Variants in SHROOM3 observed in about 807,000 individuals in gnomAD.
SHROOM3 encodes protein Shroom3.
A neutral mutation model predicts 138.6 loss-of-function variants in SHROOM3; 47 were observed. The ratio of observed to expected loss-of-function variants is 0.34; its 90% CI spans 0.27 to 0.43. SHROOM3 has a LOEUF of 0.43. Ranked by LOEUF, SHROOM3 falls within the 20% of genes least tolerant of loss-of-function variation. The pLI, the probability that SHROOM3 is intolerant of heterozygous loss-of-function variation, is 1.00. For synonymous variants in SHROOM3, 1,062 were observed against 1,063.3 expected, an observed-to-expected ratio of 1.00 and a Z score of 0.02; for missense variants, 2,491 against 2,596.5, an observed-to-expected ratio of 0.96 and a Z score of 0.88.
intron 1 of SHROOM3, among the ~76,000 whole-genome samples, chr4:76,506,210 A>G (rs927456606): frequency 2.0e-5 from 3 of 151,148 alleles, no homozygotes; most frequent in Non-Finnish European, 4.4e-5. Flanking sequence ...GGAGGGCATC[A>G]CACACCAGGG....
intron 1 of SHROOM3, among the ~76,000 whole-genome samples, chr4:76,497,643 A>C (rs937709573): frequency 1.3e-5 from 2 of 152,132 alleles, no homozygotes; most frequent in Non-Finnish European, 2.9e-5. Flanking sequence ...AGATCACCTG[A>C]GGTCAGGAAT....
chr4:76,655,223 T>A (rs1049864693), intron 2 of SHROOM3, among the ~76,000 whole-genome samples: 7 of 152,224 alleles, frequency 4.6e-5, no homozygotes, highest in Non-Finnish European at 1.0e-4. Context: ...GCAGCTTTAG[T>A]CTCTTCTCAG....
Position 76,741,800 on chromosome 4 carries a change from A to G in SHROOM3, c.3627A>G (p.Pro1209=), listed in dbSNP as rs1348730526. 2 of 1,584,052 alleles carry G rather than the reference A, an allele frequency of 1.3e-6. No homozygotes were observed. Among genetic ancestry groups the G allele is most frequent in the Non-Finnish European group, 1.7e-6 (2 of 1,165,702 alleles). The stretch of plus-strand genomic sequence containing the variant: ...GAGGGGATGAGACCCCCAGGGAGCC[A>G]TCCTCCTGGGGGGCCAGGGCCGGGA... ...TQRGDETPRE[P]SSWGARAGKS... is the part of the protein sequence containing the mutation. The change falls in exon 5 of 11, where the codon CCA becomes CCG. Residue 1209 remains proline, a synonymous_variant. Coordinates refer to ENST00000296043, the MANE Select transcript of SHROOM3 (RefSeq NM_020859.4). This position sits in a 1 kb window ranked among gnomAD's most constrained non-coding sequence, Gnocchi z 6.2.
intron 2 of SHROOM3, among the ~76,000 whole-genome samples, chr4:76,561,158 G>C (rs1051817031): frequency 2.0e-5 from 3 of 152,140 alleles, no homozygotes; most frequent in East Asian, 1.9e-4. Flanking sequence ...TCCTCCCAAA[G>C]CTTTCCATCA....
chr4:76,435,950 A>C lies in SHROOM3; in HGVS notation c.-103A>C. The C allele has an allele frequency of 2.4e-6, 3 of 1,250,122 alleles. No homozygotes were observed. The allele number at this position is 1,250,122 out of a possible 1,614,324, so 77.4% of individuals were successfully genotyped here. On this transcript the variant is annotated 5_prime_UTR_variant, in exon 1 of 11. Coordinates refer to ENST00000296043, the MANE Select transcript of SHROOM3 (RefSeq NM_020859.4). Reference sequence around the variant, plus strand: ...GCTTCTCCAAACCTCTCTTTTGGCCATTGTGTGTCCTGAAGGATGGGACAA... The same window carrying C: ...GCTTCTCCAAACCTCTCTTTTGGCCCTTGTGTGTCCTGAAGGATGGGACAA...
At chr4:76,701,438 G>C (rs1719899133) in intron 2 of SHROOM3, among the ~76,000 whole-genome samples, 1 of 152,186 alleles carries the variant, frequency 6.6e-6, no homozygotes, top group Non-Finnish European at 1.5e-5. Context: ...GACCTTGAGC[G>C]AATAACTGTC....
chr4:76,493,105 C>T (rs529957373), intron 1 of SHROOM3, among the ~76,000 whole-genome samples: 1 of 151,684 alleles, frequency 6.6e-6, no homozygotes, highest in African/African-American at 2.4e-5. Context: ...TCTGTAATCT[C>T]AGCTACTCGG....
chr4:76,648,672 G>A (rs1439574349), intron 2 of SHROOM3, among the ~76,000 whole-genome samples: 1 of 152,136 alleles, frequency 6.6e-6, no homozygotes, highest in Non-Finnish European at 1.5e-5. Flanking sequence ...TGTATCACTA[G>A]AAAAAATGTA....
intron 4 of SHROOM3, 100 bp downstream of exon 4, chr4:76,731,035 T>C: frequency 1.4e-6 from 2 of 1,475,576 alleles, no homozygotes; most frequent in Non-Finnish European, 1.9e-6. Flanking sequence ...TTTTTTCTTA[T>C]ACTCACACTA....
intron 2 of SHROOM3, among the ~76,000 whole-genome samples, chr4:76,569,965 C>T (rs1733802817): frequency 6.6e-6 from 1 of 152,148 alleles, no homozygotes; most frequent in Admixed American, 6.6e-5. Context: ...AGGATGAGAT[C>T]AGTGTCCATT....
intron 2 of SHROOM3, among the ~76,000 whole-genome samples, chr4:76,647,825 G>A (rs573980958): frequency 1.2e-3 from 186 of 151,630 alleles, no homozygotes; most frequent in African/African-American, 4.2e-3. Flanking sequence ...GAGCCCTGGA[G>A]GTTGAGTCTG....
At chr4:76,696,865 G>T (rs772715428) in intron 2 of SHROOM3, among the ~76,000 whole-genome samples, 16 of 152,144 alleles carry the variant, frequency 1.1e-4, no homozygotes, top group Admixed American at 4.6e-4. Flanking sequence ...GGAACTGGGG[G>T]ATAGCATAGG....
intron 2 of SHROOM3, among the ~76,000 whole-genome samples, chr4:76,599,988 A>C (rs202083669): frequency 6.6e-6 from 1 of 150,586 alleles, no homozygotes; most frequent in Non-Finnish European, 1.5e-5. Flanking sequence ...CTAAAAAAAC[A>C]TTTTTTTTTT....
intron 2 of SHROOM3, among the ~76,000 whole-genome samples, chr4:76,582,975 G>T (rs1411295542): frequency 6.6e-6 from 1 of 152,218 alleles, no homozygotes; most frequent in African/African-American, 2.4e-5. Flanking sequence ...GATTGCCAAA[G>T]AATCTGGACA....
At chr4:76,615,883 AG>A (rs1734864756) in intron 2 of SHROOM3, among the ~76,000 whole-genome samples, 2 of 152,190 alleles carry the variant, frequency 1.3e-5, no homozygotes, top group Non-Finnish European at 2.9e-5. Context: ...CTTCGCTTCA[AG>A]GAACTCCACG....
chr4:76,585,928 C>A (rs560980445), intron 2 of SHROOM3, among the ~76,000 whole-genome samples: 53 of 152,346 alleles, frequency 3.5e-4, no homozygotes, highest in African/African-American at 1.2e-3. Flanking sequence ...AAGCTGCCGA[C>A]GCTGTGTTCT....
rs1171279940 is a variant in SHROOM3, at chr4:76,782,682, C to T, written c.*3505C>T. The T allele has an allele frequency of 3.3e-5, 5 of 152,142 alleles. No homozygotes were observed. The highest frequency in any genetic ancestry group is 7.3e-5 in the Non-Finnish European group (5 of 68,028). 9.4% of individuals were successfully genotyped at this position (152,142 alleles called of 1,614,324 possible). A position where few individuals can be genotyped will look rare whatever the true frequency, so the allele number is the denominator to read the frequency against. On this transcript the variant is annotated 3_prime_UTR_variant, in exon 11 of 11. Coordinates refer to ENST00000296043, the MANE Select transcript of SHROOM3 (RefSeq NM_020859.4). ...AGTTATTATTTTCCTTTTAGAACAA[C>T]ATGAATTTTATTCACCTTACTATTA...
At chr4:76,686,799 A>T (rs964173208) in intron 2 of SHROOM3, among the ~76,000 whole-genome samples, 1 of 152,182 alleles carries the variant, frequency 6.6e-6, no homozygotes, top group African/African-American at 2.4e-5. Flanking sequence ...TGAAATGTTT[A>T]AGAGAGAAGG....
chr4:76,436,619 T>G (rs1232508187), intron 1 of SHROOM3, among the ~76,000 whole-genome samples: 2 of 152,206 alleles, frequency 1.3e-5, no homozygotes, highest in Non-Finnish European at 2.9e-5. Flanking sequence ...TCTAAAAATA[T>G]TTTAAGTTTG....
Sources: gnomAD v4.1 joint callset for allele counts (sites outside exome capture counted in the v4.1 genomes callset) on GRCh38, gnomAD v4.1.1 for gene constraint, Gnocchi (gnomAD v3.1) non-coding constraint, MANE v1.5 for transcripts, NCBI Gene and HGNC (gene_info 2026-07-23, HGNC 2026-07-21) for gene names.